ZNF404: variants seen among roughly 807,000 people sequenced by gnomAD.
ZNF404 encodes zinc finger protein 404.
ZNF404 carries 7 observed loss-of-function variants against 7.3 expected under a neutral mutation model. The ratio of observed to expected loss-of-function variants is 0.95; its 90% CI spans 0.54 to 1.79. The LOEUF (loss-of-function observed/expected upper bound fraction) is 1.79, where lower values mean the gene tolerates loss of function less well. ZNF404 is among the 40% of genes most tolerant of loss of function. ZNF404 has a pLI of 0.00. For synonymous variants in ZNF404, 191 were observed against 209.9 expected (o/e 0.91, Z 0.78); for missense variants, 560 against 661.5 (o/e 0.85, Z 1.68).
At chr19:43,881,494 T>C in intron 1 of ZNF404, 1 of 151,988 alleles carries the variant, frequency 6.6e-6, no homozygotes, top group African/African-American at 2.4e-5. Context: ...ATAAAATACT[T>C]AGGAATCAAT....
In ZNF404 at chr19:43,872,796, T is replaced by C; in HGVS notation, c.1418A>G (p.Lys473Arg). The change falls in exon 3 of 3, where the codon AAG (lysine) becomes AGG (arginine). Residue 473 changes from lysine to arginine, a missense_variant. Physicochemically the swap from Lys to Arg is conservative, Grantham distance 26. Transcript: ENST00000587539. This position sits in a 1 kb window ranked among gnomAD's most constrained non-coding sequence, Gnocchi z 4.4. ...ACCTGAGATAGAACGAAAGGCCTTC[T>C]TACATTCTTTACATACATAGGGTTT... Reference protein sequence around the residue: ...GLKPYVCKECKKAFRSISGLS... With the variant: ...GLKPYVCKECRKAFRSISGLS... The C allele has an allele frequency of 6.2e-7, 1 of 1,610,328 alleles. No homozygotes were observed. Among genetic ancestry groups the C allele is most frequent in the Non-Finnish European group, 8.5e-7 (1 of 1,177,788 alleles).
At chr19:43,883,231 C>T (rs1211082660) in intron 1 of ZNF404, among the ~76,000 whole-genome samples, 2 of 152,016 alleles carry the variant, frequency 1.3e-5, no homozygotes, top group African/African-American at 2.4e-5. Flanking sequence ...GTATGTTGGA[C>T]ACAAATTCCA....
rs200263609 is a variant in ZNF404 at position 43,873,367 on chromosome 19, G to A, written c.847C>T (p.Arg283Cys). 376 of 1,612,826 alleles carry A rather than the reference G, an allele frequency of 2.3e-4. 1 individual carries two copies. Among genetic ancestry groups the A allele is most frequent in the African/African-American group, 4.9e-4 (37 of 74,838 alleles). The change falls in exon 3 of 3, where the codon CGT becomes TGT. Residue 283 changes from arginine (R) to cysteine (C), a missense_variant. Coordinates refer to ENST00000587539, the MANE Select transcript of ZNF404 (RefSeq NM_001033719.3). ...TTCTTATGTTGGTAAAGACTTGAACGATGACCAAAAGCCTTTCCACATTCT... is the reference window on the plus strand; with the variant it reads ...TTCTTATGTTGGTAAAGACTTGAACAATGACCAAAAGCCTTTCCACATTCT... ...CKECGKAFGH[R>C]SSLYQHKKIH... is the part of the protein sequence containing the mutation.
chr19:43,872,509 A>G lies in ZNF404; in HGVS notation c.*46T>C. 1 of 1,438,754 alleles carries G rather than the reference A, an allele frequency of 7.0e-7. No individual in the cohort carries two copies. Among genetic ancestry groups the G allele is most frequent in the Non-Finnish European group, 9.3e-7 (1 of 1,073,236 alleles). The allele number at this position is 1,438,754 out of a possible 1,614,324, so 89.1% of individuals were successfully genotyped here. On this transcript the variant is annotated 3_prime_UTR_variant, in exon 3 of 3. Transcript: ENST00000587539. The surrounding 1 kb of genome is among the most constrained non-coding windows in gnomAD (Gnocchi z 4.4). ...TTAATCTTCACTATAGCATCATAATAGTGACAACAGTAAAAATGTGCCATG... is the reference window on the plus strand; with the variant it reads ...TTAATCTTCACTATAGCATCATAATGGTGACAACAGTAAAAATGTGCCATG...
chr19:43,875,214 G>A (rs748688321), intron 2 of ZNF404, among the ~76,000 whole-genome samples: 1 of 152,094 alleles, frequency 6.6e-6, no homozygotes, highest in Non-Finnish European at 1.5e-5. Flanking sequence ...TCTTTCCTTT[G>A]CATAGCCATG....
At chr19:43,877,037 A>C (rs1971854190) in intron 2 of ZNF404, among the ~76,000 whole-genome samples, 1 of 152,196 alleles carries the variant, frequency 6.6e-6, no homozygotes. Flanking sequence ...GGACAGTGGA[A>C]AAACTGGTAC....
rs1286709710 is a variant in ZNF404, at chr19:43,873,822, T to C, written c.392A>G (p.Tyr131Cys). The change falls in exon 3 of 3, where the codon TAT becomes TGT. Residue 131 changes from tyrosine (Y) to cysteine (C), a missense_variant. By Grantham distance (194) the Tyr-to-Cys change is radical. Coordinates refer to ENST00000587539, the MANE Select transcript of ZNF404 (RefSeq NM_001033719.3). ...GCCCTTCTTATATTCCTTACACTCA[T>C]ATGATTTCTCTCTTGTGTTATTTCT... ...HKRNNTREKSYECKEYKKGFR... is the reference protein window; with the variant it reads ...HKRNNTREKSCECKEYKKGFR... 6.2e-7 allele frequency: 1 copy of C among 1,611,092 alleles called. No homozygotes were observed. Among genetic ancestry groups the C allele is most frequent in the South Asian group, 1.1e-5 (1 of 91,058 alleles).
chr19:43,873,119 A>G lies in ZNF404; in HGVS notation c.1095T>C (p.Cys365=). ...GATGCTGTGTAAGTTGAGAGCCTCT[A>G]CAAAAGGCCTTTCCACAATCCTTAC... The part of the protein sequence containing the change: ...YDCKDCGKAF[C]RGSQLTQHQR... Residue 365 remains cysteine (C), a synonymous_variant, in exon 3 of 3, where the codon TGT becomes TGC. Coordinates refer to ENST00000587539, the MANE Select transcript of ZNF404 (RefSeq NM_001033719.3). The G allele has an allele frequency of 6.2e-7, 1 of 1,613,224 alleles. No individual in the cohort carries two copies. The highest frequency in any genetic ancestry group is 1.3e-5 in the African/African-American group (1 of 75,000).
In ZNF404 at chr19:43,873,296, CT is replaced by C. The variant is rs1328482280; in HGVS notation, c.917del (p.Lys306ArgfsTer98). On this transcript the variant is annotated frameshift_variant, in exon 3 of 3. Transcript: ENST00000587539. LOFTEE classifies it low-confidence loss of function (END_TRUNC). ...EKPYKCEQCE[K>X]AFVRSYLLVE... The stretch of plus-strand genomic sequence containing the variant: ...CAAGTAGATAGCTGCGAACAAAGGC[CT>C]TTTCACATTGTTCACATTTATATGG... The C allele has an allele frequency of 2.5e-6, 4 of 1,613,384 alleles. No homozygotes were observed. Among genetic ancestry groups the C allele is most frequent in the East Asian group, 4.5e-5 (2 of 44,884 alleles).
chr19:43,880,023 G>A lies in ZNF404; in HGVS notation c.123C>T (p.Asn41=), dbSNP rs1355492655. The change falls in exon 2 of 3, where the codon AAC becomes AAT. Residue 41 remains asparagine, a synonymous_variant. Coordinates refer to ENST00000587539, the MANE Select transcript of ZNF404 (RefSeq NM_001033719.3). ...YRDVMLENYT[N]LVSLDFNFTT... ...AGATATTCTTACCCAATGAGACCAA[G>A]TTAGTATAATTCTCCAACATCACAT... 6.2e-7 allele frequency: 1 copy of A among 1,613,722 alleles called. No individual in the cohort carries two copies.
Position 43,873,278 on chromosome 19 carries a change from A to C in ZNF404, c.936T>G (p.Tyr312Ter). Reference protein sequence around the residue: ...EQCEKAFVRSYLLVEHQRSHT... With the variant: ...EQCEKAFVRS ...GACTTCTTTGATGTTCAACAAGTAG[A>C]TAGCTGCGAACAAAGGCCTTTTCAC... is the stretch of plus-strand genomic sequence containing the variant. Residue 312 changes from tyrosine (Y) to a stop codon, truncating the protein, a stop_gained, in exon 3 of 3, where the codon TAT (tyrosine) becomes TAG (stop). Coordinates refer to ENST00000587539, the MANE Select transcript of ZNF404 (RefSeq NM_001033719.3). LOFTEE classifies it low-confidence loss of function (END_TRUNC). The C allele has an allele frequency of 6.2e-7, 1 of 1,613,572 alleles. No individual in the cohort carries two copies. Among genetic ancestry groups the C allele is most frequent in the South Asian group, 1.1e-5 (1 of 91,064 alleles).
chr19:43,872,835 A>G lies in ZNF404; in HGVS notation c.1379T>C (p.Ile460Thr). The G allele has an allele frequency of 1.9e-6, 3 of 1,609,912 alleles. No homozygotes were observed. Among genetic ancestry groups the G allele is most frequent in the Non-Finnish European group, 2.5e-6 (3 of 1,177,616 alleles). Residue 460 changes from isoleucine to threonine, a missense_variant, in exon 3 of 3, where the codon ATT becomes ACT. Transcript: ENST00000587539. The surrounding 1 kb of genome is among the most constrained non-coding windows in gnomAD (Gnocchi z 4.4). Reference sequence around the variant, plus strand: ...TACATAGGGTTTCAAACCAGTATGAATTGTCTGATGATAAATTAGTTGAGA... The same window carrying G: ...TACATAGGGTTTCAAACCAGTATGAGTTGTCTGATGATAAATTAGTTGAGA... ...LNSQLIYHQT[I>T]HTGLKPYVCK...
intron 1 of ZNF404, among the ~76,000 whole-genome samples, chr19:43,880,961 C>T (rs1188914506): frequency 6.6e-6 from 1 of 152,124 alleles, no homozygotes; most frequent in Non-Finnish European, 1.5e-5. Flanking sequence ...GGTAATGCAC[C>T]ATATTCACAA....
intron 1 of ZNF404, among the ~76,000 whole-genome samples, chr19:43,882,858 T>C (rs1275338509): frequency 1.3e-5 from 2 of 151,888 alleles, no homozygotes. Flanking sequence ...CCCAGCACTT[T>C]GAAAGGCTGA....
chr19:43,876,564 A>G (rs560189109), intron 2 of ZNF404, among the ~76,000 whole-genome samples: 6 of 152,174 alleles, frequency 3.9e-5, no homozygotes, highest in Admixed American at 6.5e-5. Context: ...GTGCTAATAT[A>G]TTTCAAATGT....
rs551284852 is a variant in ZNF404, at chr19:43,878,507, G to A, written c.136+1503C>T. On this transcript the variant is annotated intron_variant, in intron 2 of 2. Transcript: ENST00000587539. ...GCCCTTTGTCAGATGAGTAGGTTGC[G>A]AAAATTTTCTCCCATTTTGTAGGTT... 7.3e-3 allele frequency among the ~76,000 whole-genome samples: 1,106 copies of A among 151,860 alleles called. 7 individuals carry two copies. Among genetic ancestry groups the A allele is most frequent in the African/African-American group, 0.024 (1,001 of 41,384 alleles).
At chr19:43,879,939 T>C (rs1209082944) in intron 2 of ZNF404, 71 bp downstream of exon 2, 5 of 1,581,476 alleles carry the variant, frequency 3.2e-6, no homozygotes, top group East Asian at 4.5e-5. Flanking sequence ...GCATAGACCA[T>C]AAAATATACA....
At chr19:43,880,313 C>A (rs560090606) in intron 1 of ZNF404, among the ~76,000 whole-genome samples, 177 bp from the exon 2 acceptor site, 1 of 152,270 alleles carries the variant, frequency 6.6e-6, no homozygotes, top group Non-Finnish European at 1.5e-5. Context: ...CCCACACAAT[C>A]TTAAGGAATC....
At chr19:43,876,308 T>C (rs958486407) in intron 2 of ZNF404, among the ~76,000 whole-genome samples, 1 of 152,070 alleles carries the variant, frequency 6.6e-6, no homozygotes, top group African/African-American at 2.4e-5. Flanking sequence ...AGTGAGATTC[T>C]GTCTCAAAAA....
Sources: gnomAD v4.1 joint callset for allele counts (sites outside exome capture counted in the v4.1 genomes callset) on GRCh38, gnomAD v4.1.1 for gene constraint, Gnocchi (gnomAD v3.1) non-coding constraint, MANE v1.5 for transcripts, NCBI Gene and HGNC (gene_info 2026-07-23, HGNC 2026-07-21) for gene names.